The following ANK3 variants were observed in gnomAD, a reference collection of about 807,000 sequenced individuals.
ANK3 encodes the protein ankyrin 3.
Under a neutral mutation model 370.9 loss-of-function variants are expected in ANK3, and 57 were observed. The observed-to-expected ratio is 0.15, with a 90% CI of 0.12 to 0.19. The LOEUF is 0.19. ANK3 is among the 10% of genes least tolerant of loss of function. The pLI, the probability that ANK3 is intolerant of heterozygous loss-of-function variation, is 1.00. For missense variants in ANK3, 4,439 were observed against 5,302.1 expected, an observed-to-expected ratio of 0.84 and a Z score of 5.06; for synonymous variants, 1,929 against 1,946.3, an observed-to-expected ratio of 0.99 and a Z score of 0.23.
At chr10:60,636,815 C>G (rs1363569212) in intron 1 of ANK3, among the ~76,000 whole-genome samples, 1 of 152,106 alleles carries the variant, frequency 6.6e-6, no homozygotes, top group African/African-American at 2.4e-5. Flanking sequence ...TGAAACAGAG[C>G]CCATGATATG....
At chr10:60,382,530 C>T (rs770507901) in intron 1 of ANK3, among the ~76,000 whole-genome samples, 12 of 152,010 alleles carry the variant, frequency 7.9e-5, no homozygotes, top group Admixed American at 2.6e-4. Context: ...CATGACTCCA[C>T]TTTGGTCCAT....
chr10:60,468,997 G>GTATATA (rs71015794), intron 2 of ANK3, among the ~76,000 whole-genome samples: 2 of 23,260 alleles, frequency 8.6e-5, no homozygotes, highest in African/African-American at 3.4e-4. Context: ...CTTTTAGTGT[G>GTATATA]TATATATATA....
At chr10:60,176,783 TAAACAA>T (rs1565482911) in intron 18 of ANK3, among the ~76,000 whole-genome samples, 3 of 151,890 alleles carry the variant, frequency 2.0e-5, no homozygotes, top group African/African-American at 4.8e-5. Context: ...ATAAATAAAA[TAAACAA>T]AAACAAACAA....
intron 7 of ANK3, among the ~76,000 whole-genome samples, chr10:60,250,605 TCTGCCCTCC>T (rs2097646962): frequency 6.6e-6 from 1 of 152,204 alleles, no homozygotes; most frequent in African/African-American, 2.4e-5. Context: ...GACCTTGTGA[TCTGCCCTCC>T]TTGGCCTCCC....
rs1391828476 is a variant in ANK3 at position 60,121,755 on chromosome 10, AG to A, written c.2842-7425del. On this transcript the variant is annotated intron_variant, in intron 25 of 43. Coordinates refer to ENST00000280772, the MANE Select transcript of ANK3 (RefSeq NM_020987.5). ...GTACAACAGAGTGACTACAGTCAAA[AG>A]TAATTTAATTGTACATTGTAAAATA... Among the ~76,000 whole-genome samples, 5 of 152,290 alleles carry A rather than the reference AG, an allele frequency of 3.3e-5. No individual in the cohort carries two copies. The East Asian group carries it at 9.6e-4, about 29-fold the overall frequency.
intron 38 of ANK3, among the ~76,000 whole-genome samples, chr10:60,065,580 T>C (rs1032933125): frequency 4.6e-5 from 7 of 152,176 alleles, no homozygotes; most frequent in African/African-American, 1.4e-4. Flanking sequence ...TTTATATACA[T>C]GAATGTTCAT....
intron 2 of ANK3, among the ~76,000 whole-genome samples, chr10:60,613,301 G>A (rs1401788775): frequency 2.0e-5 from 3 of 152,116 alleles, no homozygotes; most frequent in African/African-American, 7.2e-5. Context: ...TATCAAATGA[G>A]TTTGGGATAA....
intron 1 of ANK3, among the ~76,000 whole-genome samples, chr10:60,708,872 TAAGA>T (rs1266445220): frequency 1.3e-5 from 2 of 152,048 alleles, no homozygotes; most frequent in Non-Finnish European, 2.9e-5. Flanking sequence ...AAGCCTTATT[TAAGA>T]AAGAGTCTCT....
chr10:60,500,813 T>C (rs1368993083), intron 2 of ANK3, among the ~76,000 whole-genome samples: 3 of 152,210 alleles, frequency 2.0e-5, no homozygotes, highest in African/African-American at 7.2e-5. Context: ...AGGGTATTAA[T>C]ATTTTTCCTT....
intron 2 of ANK3, among the ~76,000 whole-genome samples, chr10:60,483,759 A>G (rs188802635): frequency 2.0e-5 from 3 of 152,252 alleles, no homozygotes; most frequent in East Asian, 1.9e-4. Context: ...CCATGGGCCC[A>G]TGTCAGCTAC....
chr10:60,328,465 C>T (rs1320418707), intron 1 of ANK3, among the ~76,000 whole-genome samples: 2 of 152,144 alleles, frequency 1.3e-5, no homozygotes, highest in African/African-American at 4.8e-5. Context: ...AGGATTATAT[C>T]TCTATGGTGG....
intron 7 of ANK3, among the ~76,000 whole-genome samples, chr10:60,235,981 C>T (rs553514675): frequency 1.3e-4 from 20 of 152,316 alleles, no homozygotes; most frequent in African/African-American, 4.8e-4. Flanking sequence ...CAGGATTCAA[C>T]TCTTCAACAC....
chr10:60,555,509 A>T (rs1474653446), intron 2 of ANK3, among the ~76,000 whole-genome samples: 1 of 152,032 alleles, frequency 6.6e-6, no homozygotes, highest in African/African-American at 2.4e-5. Context: ...AAATTACAAA[A>T]TTTTTTAGTT....
chr10:60,552,286 A>T (rs1311630493), intron 2 of ANK3, among the ~76,000 whole-genome samples: 3 of 152,228 alleles, frequency 2.0e-5, no homozygotes, highest in Non-Finnish European at 4.4e-5. Flanking sequence ...TATGATTATA[A>T]AACGTAAGCT....
intron 1 of ANK3, among the ~76,000 whole-genome samples, chr10:60,303,249 ACAAT>A (rs1443962192): frequency 1.3e-5 from 2 of 152,222 alleles, no homozygotes; most frequent in African/African-American, 2.4e-5. Context: ...AGTAAAGAAA[ACAAT>A]CAACGAAATG....
chr10:60,190,463 A>C (rs1445970185), intron 16 of ANK3, among the ~76,000 whole-genome samples: 1 of 152,242 alleles, frequency 6.6e-6, no homozygotes, highest in African/African-American at 2.4e-5. Context: ...TACAAAAAAT[A>C]AAAGCAAAAC....
intron 1 of ANK3, among the ~76,000 whole-genome samples, chr10:60,284,715 A>C (rs1412272914): frequency 6.6e-6 from 1 of 152,116 alleles, no homozygotes; most frequent in African/African-American, 2.4e-5. Flanking sequence ...TCAGGCTAAC[A>C]GTGGATCACC....
At chr10:60,671,908 G>C (rs955930454) in intron 1 of ANK3, among the ~76,000 whole-genome samples, 1 of 152,172 alleles carries the variant, frequency 6.6e-6, no homozygotes, top group African/African-American at 2.4e-5. Context: ...TTACAAACAA[G>C]CTTCTCTGGG....
chr10:60,301,354 A>T (rs1252630679), intron 1 of ANK3, among the ~76,000 whole-genome samples: 16 of 148,390 alleles, frequency 1.1e-4, no homozygotes, highest in African/African-American at 4.0e-4. Flanking sequence ...ATACACACAC[A>T]TGCACGCACA....
Sources: gnomAD v4.1 joint callset for allele counts (sites outside exome capture counted in the v4.1 genomes callset) on GRCh38, gnomAD v4.1.1 for gene constraint, MANE v1.5 for transcripts, NCBI Gene and HGNC (gene_info 2026-07-23, HGNC 2026-07-21) for gene names.